Variants in CIMAP1C observed in about 807,000 individuals in gnomAD.
The protein encoded by CIMAP1C is ciliary microtubule associated protein 1C.
chr15:75,727,483 C>A, the CIMAP1C span: 7 of 1,612,006 alleles, frequency 4.3e-6, no homozygotes, highest in African/African-American at 5.3e-5. Context: ...CTGCTTTCAC[C>A]ATGGGCATCA....
the CIMAP1C span, chr15:75,725,153 T>G: frequency 6.2e-7 from 1 of 1,614,072 alleles, no homozygotes; most frequent in Non-Finnish European, 8.5e-7. Flanking sequence ...ACGGGCTACA[T>G]AGATCATGAC....
At chr15:75,725,315 C>CT in the CIMAP1C span, 1 of 997,084 alleles carries the variant, frequency 1.0e-6, no homozygotes, top group Non-Finnish European at 1.6e-6. Context: ...CACTGGGAAT[C>CT]TGAGACACTC....
At chr15:75,727,129 TC>T in the CIMAP1C span, 2 of 1,613,938 alleles carry the variant, frequency 1.2e-6, no homozygotes, top group Non-Finnish European at 1.7e-6. Context: ...AACGCAGGGC[TC>T]CCCAGTACAC....
the CIMAP1C span, chr15:75,726,214 G>C: frequency 2.4e-6 from 3 of 1,251,848 alleles, no homozygotes; most frequent in Non-Finnish European, 3.5e-6. Context: ...TGGGAGGTTG[G>C]GGGGTGGGGT....
chr15:75,726,229 C>A, the CIMAP1C span: 1 of 1,148,846 alleles, frequency 8.7e-7, no homozygotes, highest in Non-Finnish European at 1.3e-6. Flanking sequence ...TGGGGTGCAC[C>A]CTTAGGACCT....
the CIMAP1C span, chr15:75,727,414 A>AAG: frequency 6.2e-7 from 1 of 1,613,956 alleles, no homozygotes; most frequent in Non-Finnish European, 8.5e-7. Context: ...ACCTCACGCC[A>AAG]CGGCCTGGCC....
the CIMAP1C span, among the ~76,000 whole-genome samples, chr15:75,726,804 T>C: frequency 1.3e-5 from 2 of 151,974 alleles, no homozygotes; most frequent in African/African-American, 4.8e-5. Context: ...TTAGTAGAGA[T>C]GGGGTTTCAC....
At chr15:75,727,289 A>C in the CIMAP1C span, 27 of 1,614,166 alleles carry the variant, frequency 1.7e-5, no homozygotes, top group South Asian at 3.0e-4. Context: ...CTGGTTCTAC[A>C]AGGAGGATGT....
At chr15:75,727,532 C>T in the CIMAP1C span, 32 of 1,579,464 alleles carry the variant, frequency 2.0e-5, no homozygotes, top group South Asian at 1.3e-4. Context: ...CATCGACATT[C>T]GTGACTGAGG....
At chr15:75,727,138 C>A in the CIMAP1C span, 22 of 1,613,968 alleles carry the variant, frequency 1.4e-5, no homozygotes, top group Non-Finnish European at 1.8e-5. Flanking sequence ...CTCCCCAGTA[C>A]ACGTTTGGCT....
the CIMAP1C span, chr15:75,727,059 GC>G: frequency 6.2e-7 from 1 of 1,611,594 alleles, no homozygotes; most frequent in Non-Finnish European, 8.5e-7. Context: ...TCCCTTTCAG[GC>G]CTGAACCCCA....
the CIMAP1C span, chr15:75,725,195 T>A: frequency 3.7e-6 from 6 of 1,613,516 alleles, no homozygotes; most frequent in Non-Finnish European, 5.1e-6. Context: ...GCTTATACCC[T>A]GCATAGCCGG....
At chr15:75,724,705 A>G in the CIMAP1C span, among the ~76,000 whole-genome samples, 1 of 152,352 alleles carries the variant, frequency 6.6e-6, no homozygotes, top group East Asian at 1.9e-4. Flanking sequence ...TGATGGTCTT[A>G]GAATCTTCAC....
the CIMAP1C span, chr15:75,727,138 C>G: frequency 2.5e-6 from 4 of 1,614,086 alleles, no homozygotes; most frequent in East Asian, 8.9e-5. Context: ...CTCCCCAGTA[C>G]ACGTTTGGCT....
At chr15:75,725,669 C>CG in the CIMAP1C span, among the ~76,000 whole-genome samples, 5 of 152,084 alleles carry the variant, frequency 3.3e-5, no homozygotes, top group Admixed American at 3.3e-4. Context: ...GGCGTGCACC[C>CG]GGGGGTCTGA....
chr15:75,724,449 C>T, the CIMAP1C span: 16 of 690,598 alleles, frequency 2.3e-5, no homozygotes, highest in Non-Finnish European at 3.9e-5. Context: ...AGCTGACCCT[C>T]ACAGGCAGTG....
At chr15:75,727,301 GC>G in the CIMAP1C span, 1 of 1,614,170 alleles carries the variant, frequency 6.2e-7, no homozygotes, top group Non-Finnish European at 8.5e-7. Flanking sequence ...GGAGGATGTG[GC>G]AGGAGGCCCT....
chr15:75,725,234 C>G, the CIMAP1C span: 14 of 1,558,392 alleles, frequency 9.0e-6, no homozygotes, highest in Admixed American at 2.2e-4. Context: ...CGTTGCCACC[C>G]CAGTCATCCG....
At chr15:75,724,304 G>A in the CIMAP1C span, 3 of 1,612,672 alleles carry the variant, frequency 1.9e-6, no homozygotes, top group Non-Finnish European at 2.5e-6. Context: ...CTGTCATCAT[G>A]GCCAAGATCA....
Sources: allele counts gnomAD v4.1 joint callset (sites outside exome capture counted in the v4.1 genomes callset), GRCh38; gene constraint gnomAD v4.1.1; transcripts MANE v1.5; gene names NCBI Gene and HGNC (gene_info 2026-07-23, HGNC 2026-07-21).